The following SHE variants were observed in gnomAD, a reference collection of about 807,000 sequenced individuals.
SHE encodes SH2 domain-containing adapter protein E.
Under a neutral mutation model 49.8 loss-of-function variants are expected in SHE, and 11 were observed. The observed-to-expected ratio is 0.22, with a 90% CI of 0.14 to 0.37. The LOEUF (loss-of-function observed/expected upper bound fraction) is 0.37. Ranked by LOEUF, SHE falls within the 10% of genes least tolerant of loss-of-function variation. The probability of loss-of-function intolerance (pLI) is 1.00; values close to 1 mark genes in which losing one functional copy is unlikely to be tolerated. For missense variants in SHE, 624 were observed against 655.5 expected (o/e 0.95, Z 0.52); for synonymous variants, 310 against 278.1 (o/e 1.11, Z -1.14).
At chr1:154,475,089 A>G (rs1571035614), downstream of SHE, among the ~76,000 whole-genome samples, 1 of 148,564 alleles carries the variant, frequency 6.7e-6, no homozygotes, top group African/African-American at 2.5e-5. Context: ...GGGTCTGGGG[A>G]GTGGGAGGCC....
Position 154,484,040 on chromosome 1 carries a change from C to T in SHE, c.*109G>A. On this transcript the variant is annotated 3_prime_UTR_variant, in exon 6 of 6. Transcript: ENST00000304760. ...TCACTCTCTGACTTTTCAAGGAAGA[C>T]TCCCATTTTCTAGCAGTTGCTAGTC... 1 of 1,465,804 alleles carries T rather than the reference C, an allele frequency of 6.8e-7. No homozygotes were observed. Among genetic ancestry groups the T allele is most frequent in the Non-Finnish European group, 9.0e-7 (1 of 1,105,792 alleles). 90.8% of individuals were successfully genotyped at this position (1,465,804 alleles called of 1,614,324 possible).
intron 2 of SHE, among the ~76,000 whole-genome samples, chr1:154,495,490 C>T (rs1041278254): frequency 6.6e-6 from 1 of 152,064 alleles, no homozygotes; most frequent in Non-Finnish European, 1.5e-5. Context: ...TGGGGGGACC[C>T]AGGCTTCCTG....
intron 2 of SHE, among the ~76,000 whole-genome samples, chr1:154,493,749 A>AT (rs1176882907): frequency 6.6e-6 from 1 of 152,248 alleles, no homozygotes; most frequent in African/African-American, 2.4e-5. Flanking sequence ...GTAGTTAGCA[A>AT]TAAGTATTGC....
At chr1:154,487,842 CCT>C (rs950161556) in intron 3 of SHE, among the ~76,000 whole-genome samples, 2 of 143,680 alleles carry the variant, frequency 1.4e-5, no homozygotes, top group African/African-American at 2.5e-5. Context: ...AGAGTGAGAC[CCT>C]GTCTCAAAAA....
chr1:154,501,837 T>C lies in SHE; in HGVS notation c.190A>G (p.Lys64Glu), dbSNP rs1692775957. 6.5e-7 allele frequency: 1 copy of C among 1,544,156 alleles called. No homozygotes were observed. Among genetic ancestry groups the C allele is most frequent in the Non-Finnish European group, 8.7e-7 (1 of 1,152,260 alleles). The change falls in exon 1 of 6, where the codon AAA becomes GAA. Residue 64 changes from lysine to glutamate, a missense_variant. Physicochemically the swap from Lys to Glu is moderately conservative, Grantham distance 56. Coordinates refer to ENST00000304760, the MANE Select transcript of SHE (RefSeq NM_001010846.3). ...ERAKPGGGGGKLRKNSEAGGA... is the reference protein window; with the variant it reads ...ERAKPGGGGGELRKNSEAGGA... ...CCCGCCTCCGAGTTCTTGCGCAATT[T>C]GCCGCCGCCGCCCCCGGGCTTGGCC...
rs932788796 is a variant in SHE at position 154,481,752 on chromosome 1, A to G, written c.*2397T>C. 4 of 964,858 alleles carry G rather than the reference A, an allele frequency of 4.1e-6. No individual in the cohort carries two copies. Among genetic ancestry groups the G allele is most frequent in the Non-Finnish European group, 4.9e-6 (4 of 811,354 alleles). The allele number at this position is 964,858 out of a possible 1,614,324, so 59.8% of individuals were successfully genotyped here. A position where few individuals can be genotyped will look rare whatever the true frequency, so the allele number is the denominator to read the frequency against. On this transcript the variant is annotated 3_prime_UTR_variant, in exon 6 of 6. Coordinates refer to ENST00000304760, the MANE Select transcript of SHE (RefSeq NM_001010846.3). ...TAAATATTTGTTGAATGGATGCTGA[A>G]AAAACCTTTTAAAATCTTACACTAA...
chr1:154,483,024 T>G lies in SHE; in HGVS notation c.*1125A>C, dbSNP rs1692063233. 1 of 984,656 alleles carries G rather than the reference T, an allele frequency of 1.0e-6. No homozygotes were observed. Among genetic ancestry groups the G allele is most frequent in the Non-Finnish European group, 1.2e-6 (1 of 829,344 alleles). 61.0% of individuals were successfully genotyped at this position (984,656 alleles called of 1,614,324 possible). ...AGACATCGAAGTTCTATGTAATTAA[T>G]TCAGTAAAAAAACAGTTGTGGAGCT... On this transcript the variant is annotated 3_prime_UTR_variant, in exon 6 of 6. Transcript: ENST00000304760.
At chr1:154,499,337 G>A in intron 1 of SHE, 99 bp from the exon 2 acceptor site, 1 of 1,374,538 alleles carries the variant, frequency 7.3e-7, no homozygotes, top group Non-Finnish European at 9.8e-7. Flanking sequence ...TATCCAAGGA[G>A]GTCAAAATCT....
rs1369074413 is a variant in SHE at position 154,480,485 on chromosome 1, T to C, written c.*3664A>G. On this transcript the variant is annotated 3_prime_UTR_variant, in exon 6 of 6. Coordinates refer to ENST00000304760, the MANE Select transcript of SHE (RefSeq NM_001010846.3). ...ACAGACTAGTAACAGAGTTACATAA[T>C]CCAATTAACAAATTAGGACAATTTC... 1 of 985,314 alleles carries C rather than the reference T, an allele frequency of 1.0e-6. No homozygotes were observed. Among genetic ancestry groups the C allele is most frequent in the African/African-American group, 1.7e-5 (1 of 57,218 alleles). The allele number at this position is 985,314 out of a possible 1,614,324, so 61.0% of individuals were successfully genotyped here. A position where few individuals can be genotyped will look rare whatever the true frequency, so the allele number is the denominator to read the frequency against.
At chr1:154,495,231 A>G (rs1247064024) in intron 2 of SHE, among the ~76,000 whole-genome samples, 1 of 152,228 alleles carries the variant, frequency 6.6e-6, no homozygotes, top group Non-Finnish European at 1.5e-5. Context: ...TAATGTTTCA[A>G]AGCGGTGGCT....
Position 154,480,902 on chromosome 1 carries a change from CGCAA to C in SHE, c.*3243_*3246del. ...TAACCAACTGAACTTGTCCAGTCAT[CGCAA>C]GCAAGTATTTTTTTTAAAGAAGGTG... On this transcript the variant is annotated 3_prime_UTR_variant, in exon 6 of 6. Transcript: ENST00000304760. 3 of 985,358 alleles carry C rather than the reference CGCAA, an allele frequency of 3.0e-6. No individual in the cohort carries two copies. Among genetic ancestry groups the C allele is most frequent in the Middle Eastern group, 5.2e-4 (1 of 1,914 alleles). 61.0% of individuals were successfully genotyped at this position (985,358 alleles called of 1,614,324 possible). A position where few individuals can be genotyped will look rare whatever the true frequency, so the allele number is the denominator to read the frequency against.
chr1:154,492,352 C>A (rs1030960000), intron 2 of SHE, among the ~76,000 whole-genome samples: 1 of 152,192 alleles, frequency 6.6e-6, no homozygotes, highest in African/African-American at 2.4e-5. Flanking sequence ...AACCTGAGAA[C>A]CACTTCCACA....
Position 154,479,978 on chromosome 1 carries a change from T to G in SHE, c.*4171A>C, listed in dbSNP as rs1302029603. The G allele has an allele frequency of 3.0e-6, 3 of 985,358 alleles. No individual in the cohort carries two copies. The highest frequency in any genetic ancestry group is 1.7e-5 in the African/African-American group (1 of 57,240). The allele number at this position is 985,358 out of a possible 1,614,324, so 61.0% of individuals were successfully genotyped here. A position where few individuals can be genotyped will look rare whatever the true frequency, so the allele number is the denominator to read the frequency against. The stretch of plus-strand genomic sequence containing the variant: ...GCCCTACCCTTAAATGCACAGCTGC[T>G]TTTCCCAACTGCAGTTTTCTCTTTT... On this transcript the variant is annotated 3_prime_UTR_variant, in exon 6 of 6. Transcript: ENST00000304760.
chr1:154,493,953 T>C (rs902823902), intron 2 of SHE, among the ~76,000 whole-genome samples: 1 of 152,254 alleles, frequency 6.6e-6, no homozygotes, highest in Non-Finnish European at 1.5e-5. Flanking sequence ...GCAGCAGTTA[T>C]GGTGAGGCCA....
intron 2 of SHE, among the ~76,000 whole-genome samples, chr1:154,495,193 T>G (rs1692487879): frequency 6.6e-6 from 1 of 152,222 alleles, no homozygotes; most frequent in African/African-American, 2.4e-5. Flanking sequence ...AACTAGCCAA[T>G]GGGAACTTTT....
chr1:154,470,487 C>T (rs1012128771), intron 1 of SHE: 1 of 934,838 alleles, frequency 1.1e-6, no homozygotes, highest in African/African-American at 1.7e-5. Flanking sequence ...AGGGCAGGGG[C>T]AGGAAACAGT....
rs754029325 is a variant in SHE, at chr1:154,489,300, T to C, written c.775A>G (p.Ser259Gly). The C allele has an allele frequency of 5.6e-6, 9 of 1,614,240 alleles. No homozygotes were observed. The South Asian group carries it at 7.7e-5, about 14-fold the overall frequency. ...PLVKALQLLD[S>G]PCEPADGGLK... Reference sequence around the variant, plus strand: ...CCACCGTCTGCGGGTTCACAGGGACTGTCAAGCAGCTGGAGAGCCTTCACC... The same window carrying C: ...CCACCGTCTGCGGGTTCACAGGGACCGTCAAGCAGCTGGAGAGCCTTCACC... Residue 259 changes from serine to glycine, a missense_variant, in exon 3 of 6, where the codon AGT (serine) becomes GGT (glycine). Physicochemically the swap from Ser to Gly is moderately conservative, Grantham distance 56. This residue lies in a region of SHE where 155 missense variants were observed against 142.0 expected (regional missense o/e 1.09). Transcript: ENST00000304760.
chr1:154,488,980 C>T, intron 3 of SHE, 71 bp downstream of exon 3: 1 of 1,492,220 alleles, frequency 6.7e-7, no homozygotes, highest in Non-Finnish European at 8.9e-7. Context: ...AGGAAAAAAA[C>T]AAATGTGGGG....
Position 154,481,130 on chromosome 1 carries a change from A to G in SHE, c.*3019T>C. 2 of 985,498 alleles carry G rather than the reference A, an allele frequency of 2.0e-6. No homozygotes were observed. The highest frequency in any genetic ancestry group is 2.4e-6 in the Non-Finnish European group (2 of 829,948). 61.0% of individuals were successfully genotyped at this position (985,498 alleles called of 1,614,324 possible). A position where few individuals can be genotyped will look rare whatever the true frequency, so the allele number is the denominator to read the frequency against. On this transcript the variant is annotated 3_prime_UTR_variant, in exon 6 of 6. Transcript: ENST00000304760. ...CTCAGAGAACATGTCACAGAGCTTC[A>G]GATCAGCTGGCCATGGAGGTTTAAC... is the stretch of plus-strand genomic sequence containing the variant.
Sources: allele counts gnomAD v4.1 joint callset (sites outside exome capture counted in the v4.1 genomes callset), GRCh38; gene constraint gnomAD v4.1.1; regional missense constraint gnomAD v4.1.1; transcripts MANE v1.5; gene names NCBI Gene and HGNC (gene_info 2026-07-23, HGNC 2026-07-21).